The following ADAM12 variants were observed in gnomAD, a reference collection of about 807,000 sequenced individuals.
The protein encoded by ADAM12 is disintegrin and metalloproteinase domain-containing protein 12.
A neutral mutation model predicts 106.4 loss-of-function variants in ADAM12; 70 were observed. The observed-to-expected ratio is 0.66, with a 90% CI of 0.54 to 0.80. ADAM12 has a LOEUF of 0.80. Among genes scored for constraint, ADAM12 ranks in the 30% least tolerant of loss-of-function variants. The pLI, the probability that ADAM12 is intolerant of heterozygous loss-of-function variation, is 0.00. For synonymous variants in ADAM12, 420 were observed against 433.5 expected (o/e 0.97, Z 0.39); for missense variants, 1,010 against 1,171.9 (o/e 0.86, Z 2.02).
intron 3 of ADAM12, among the ~76,000 whole-genome samples, chr10:126,267,708 G>A (rs1338432475): frequency 6.6e-6 from 1 of 152,142 alleles, no homozygotes; most frequent in Non-Finnish European, 1.5e-5. Context: ...CCTGCTGTGT[G>A]GCCCAGTTCC....
intron 3 of ADAM12, among the ~76,000 whole-genome samples, chr10:126,251,603 T>C (rs1958755990): frequency 1.4e-5 from 2 of 142,428 alleles, no homozygotes; most frequent in Non-Finnish European, 3.0e-5. Flanking sequence ...ATGGATAGGA[T>C]GGATGGATGC....
chr10:126,295,534 C>CACACACACACACAT (rs1304556759), intron 2 of ADAM12, among the ~76,000 whole-genome samples: 30 of 147,936 alleles, frequency 2.0e-4, no homozygotes, highest in African/African-American at 1.5e-4. Context: ...CACAAAAATA[C>CACACACACACACAT]ACACACACAC....
chr10:126,057,906 A>G (rs929529526), intron 14 of ADAM12, among the ~76,000 whole-genome samples: 3 of 152,170 alleles, frequency 2.0e-5, no homozygotes. Context: ...CATTTTTTAT[A>G]GTTAATTGGA....
At chr10:126,185,552 A>G (rs1181325650) in intron 3 of ADAM12, among the ~76,000 whole-genome samples, 1 of 152,096 alleles carries the variant, frequency 6.6e-6, no homozygotes, top group Non-Finnish European at 1.5e-5. Context: ...GGTCTATTAT[A>G]TGCTTAATGG....
intron 3 of ADAM12, among the ~76,000 whole-genome samples, chr10:126,263,826 G>T (rs576328377): frequency 1.3e-5 from 2 of 152,252 alleles, no homozygotes; most frequent in African/African-American, 2.4e-5. Context: ...GATAAAAAGA[G>T]ATTTATGTAA....
chr10:126,296,921 T>G (rs1009817076), intron 2 of ADAM12, among the ~76,000 whole-genome samples: 2 of 152,242 alleles, frequency 1.3e-5, no homozygotes, highest in Non-Finnish European at 2.9e-5. Flanking sequence ...TGAGGACTTT[T>G]AAAGCTGGGA....
intron 3 of ADAM12, among the ~76,000 whole-genome samples, chr10:126,197,928 G>T (rs1201958028): frequency 6.6e-6 from 1 of 152,210 alleles, no homozygotes; most frequent in Non-Finnish European, 1.5e-5. Context: ...CACGCATGGG[G>T]TGACATCACC....
chr10:126,267,664 G>C (rs7092907), intron 3 of ADAM12, among the ~76,000 whole-genome samples: 128,776 of 152,116 alleles, frequency 0.85, 55,565 homozygotes, highest in Non-Finnish European at 0.93. Flanking sequence ...CGTAAATACA[G>C]ATGAAGCTTC....
At chr10:126,243,174 T>C (rs2242386) in intron 3 of ADAM12, among the ~76,000 whole-genome samples, 30,550 of 152,230 alleles carry the variant, frequency 0.2, 3,288 homozygotes, top group South Asian at 0.31. Flanking sequence ...GCAGGCAGCA[T>C]GGAGGCCGCC....
At chr10:126,073,661 A>G (rs988789639) in intron 11 of ADAM12, among the ~76,000 whole-genome samples, 3 of 152,170 alleles carry the variant, frequency 2.0e-5, no homozygotes, top group Non-Finnish European at 4.4e-5. Context: ...TTTCCCTCCA[A>G]GTGGTTTCTA....
At chr10:126,148,715 C>A (rs1956674470) in intron 4 of ADAM12, among the ~76,000 whole-genome samples, 1 of 152,172 alleles carries the variant, frequency 6.6e-6, no homozygotes. Flanking sequence ...AGATGAAGAT[C>A]AAAATACAGC....
At position 126,243,457 on chromosome 10, in the gene ADAM12, C is replaced by A. The variant is rs141093187; in HGVS notation, c.260+35458G>T. Among the ~76,000 whole-genome samples the A allele has an allele frequency of 5.8e-3, 820 of 142,460 alleles. 7 individuals are homozygous for A. The highest frequency in any genetic ancestry group is 0.02 in the African/African-American group (781 of 39,644). The allele number at this position is 142,460 out of a possible 152,430, so 93.5% of individuals were successfully genotyped here. The stretch of plus-strand genomic sequence containing the variant: ...GGACTAACATTATCTTCTGTGTAGA[C>A]CAGTGGGGAGCAACTCTGTGTGTGT... On this transcript the variant is annotated intron_variant, in intron 3 of 22. Coordinates refer to ENST00000448723, the MANE Select transcript of ADAM12 (RefSeq NM_001288973.2).
chr10:126,103,001 C>T (rs1955697790), intron 8 of ADAM12, among the ~76,000 whole-genome samples: 2 of 152,180 alleles, frequency 1.3e-5, no homozygotes, highest in East Asian at 1.9e-4. Context: ...AGACACCTTG[C>T]GTGGGCTCAG....
chr10:126,065,317 G>A (rs1954845099), intron 13 of ADAM12, among the ~76,000 whole-genome samples: 1 of 152,204 alleles, frequency 6.6e-6, no homozygotes, highest in African/African-American at 2.4e-5. Flanking sequence ...AAGGAGGGAA[G>A]CGTTGGCTGC....
At chr10:126,224,636 C>G (rs1488328867) in intron 3 of ADAM12, among the ~76,000 whole-genome samples, 1 of 152,222 alleles carries the variant, frequency 6.6e-6, no homozygotes, top group Non-Finnish European at 1.5e-5. Flanking sequence ...ATACTGCAGT[C>G]TTTAGCCCGT....
chr10:126,371,890 A>G (rs567222495), intron 1 of ADAM12, among the ~76,000 whole-genome samples: 4 of 152,302 alleles, frequency 2.6e-5, no homozygotes, highest in Admixed American at 1.3e-4. Flanking sequence ...GCTACCATTC[A>G]TTCTCTACAG....
chr10:126,032,448 G>A (rs890370768), intron 21 of ADAM12, among the ~76,000 whole-genome samples: 2 of 152,128 alleles, frequency 1.3e-5, no homozygotes, highest in African/African-American at 4.8e-5. Context: ...TGTTTAAAGG[G>A]TAACATTTCC....
intron 14 of ADAM12, among the ~76,000 whole-genome samples, chr10:126,060,210 T>C (rs986768322): frequency 6.6e-6 from 1 of 152,258 alleles, no homozygotes; most frequent in South Asian, 2.1e-4. Context: ...GCATGTGTTT[T>C]GAATTTTCTG....
At chr10:126,195,681 A>G (rs764916563) in intron 3 of ADAM12, among the ~76,000 whole-genome samples, 4 of 152,232 alleles carry the variant, frequency 2.6e-5, no homozygotes, top group Non-Finnish European at 4.4e-5. Context: ...TATGATATAT[A>G]TGATTCTTAA....
Sources: allele counts gnomAD v4.1 joint callset (sites outside exome capture counted in the v4.1 genomes callset), GRCh38; gene constraint gnomAD v4.1.1; transcripts MANE v1.5; gene names NCBI Gene and HGNC (gene_info 2026-07-23, HGNC 2026-07-21).